The following DSC1 variants were observed in gnomAD, a reference collection of about 807,000 sequenced individuals.
DSC1 encodes the protein desmocollin-1.
A neutral mutation model predicts 98.8 loss-of-function variants in DSC1; 79 were observed. That is an observed-to-expected ratio of 0.80 (90% confidence interval 0.67 to 0.96). The LOEUF (loss-of-function observed/expected upper bound fraction) is 0.96, where lower values mean the gene tolerates loss of function less well. DSC1 is among the 50% of genes least tolerant of loss of function. DSC1 has a pLI of 0.00. For missense variants in DSC1, 1,115 were observed against 1,075.9 expected, an observed-to-expected ratio of 1.04 and a Z score of -0.51; for synonymous variants, 405 against 372.1, an observed-to-expected ratio of 1.09 and a Z score of -1.02.
intron 9 of DSC1, among the ~76,000 whole-genome samples, chr18:31,140,817 T>G (rs1288150733): frequency 1.3e-5 from 2 of 152,222 alleles, no homozygotes; most frequent in Non-Finnish European, 2.9e-5. Context: ...GTCCTTGATA[T>G]GGTTGGCTAT....
intron 5 of DSC1, among the ~76,000 whole-genome samples, chr18:31,150,157 C>CA (rs967047887): frequency 2.7e-5 from 4 of 146,794 alleles, no homozygotes; most frequent in Non-Finnish European, 6.0e-5. Context: ...TCGCAATCAC[C>CA]ACCACCACCA....
At chr18:31,141,442 G>A (rs1988733137) in intron 9 of DSC1, among the ~76,000 whole-genome samples, 1 of 152,034 alleles carries the variant, frequency 6.6e-6, no homozygotes, top group Non-Finnish European at 1.5e-5. Context: ...AAAAGAATTA[G>A]GTCCAGTTAA....
intron 13 of DSC1, 57 bp downstream of exon 13, chr18:31,133,834 A>C (rs2144915240): frequency 6.6e-7 from 1 of 1,507,552 alleles, no homozygotes; most frequent in South Asian, 1.3e-5. Context: ...ATGTTTTAAA[A>C]ATACTAGATA....
intron 1 of DSC1, 138 bp from the exon 2 acceptor site, chr18:31,159,667 C>G: frequency 1.2e-6 from 1 of 828,840 alleles, no homozygotes; most frequent in South Asian, 1.9e-5. Flanking sequence ...TTTTAATACT[C>G]ACTTTAAAAG....
chr18:31,140,637 C>G (rs1230894595), intron 9 of DSC1, among the ~76,000 whole-genome samples: 1 of 152,130 alleles, frequency 6.6e-6, no homozygotes, highest in East Asian at 1.9e-4. Flanking sequence ...TATGGGATAA[C>G]AGTGACAACT....
intron 8 of DSC1, 89 bp from the exon 9 acceptor site, chr18:31,142,273 A>G (rs1988754633): frequency 1.4e-6 from 2 of 1,406,742 alleles, no homozygotes; most frequent in Admixed American, 5.0e-5. Context: ...AAAAAAATAA[A>G]TAAAGTGATG....
At chr18:31,131,892 C>T in intron 14 of DSC1, 50 bp from the exon 15 acceptor site, 2 of 1,599,414 alleles carry the variant, frequency 1.3e-6, no homozygotes, top group South Asian at 1.1e-5. Context: ...TGGAAACTAA[C>T]AATTCATTTT....
In DSC1 at chr18:31,159,444, C is replaced by T. The variant is rs1393334760; in HGVS notation, c.148+1G>A. The T allele has an allele frequency of 1.2e-6, 2 of 1,612,032 alleles. No individual in the cohort carries two copies. Among genetic ancestry groups the T allele is most frequent in the Admixed American group, 3.3e-5 (2 of 59,734 alleles). Reference sequence around the variant, plus strand: ...ATGAAACTGTTAATAGTGTTTCTCACCTTTGCCTACAAGTGTTTCAGCCTG... The same window carrying T: ...ATGAAACTGTTAATAGTGTTTCTCATCTTTGCCTACAAGTGTTTCAGCCTG... On this transcript the variant is annotated splice_donor_variant, in intron 2 of 15. Transcript: ENST00000257198. LOFTEE classifies it high-confidence loss of function.
intron 2 of DSC1, 29 bp downstream of exon 2, chr18:31,159,416 G>T: frequency 6.2e-7 from 1 of 1,600,092 alleles, no homozygotes; most frequent in Non-Finnish European, 8.6e-7. Flanking sequence ...ACAAGTTACA[G>T]CTATGAAACT....
chr18:31,149,429 C>A (rs1988915136), intron 5 of DSC1, among the ~76,000 whole-genome samples: 1 of 152,082 alleles, frequency 6.6e-6, no homozygotes, highest in East Asian at 1.9e-4. Context: ...GCATCAAACT[C>A]CTCCCTCTCT....
At chr18:31,141,803 G>T (rs1033468694) in intron 9 of DSC1, among the ~76,000 whole-genome samples, 196 bp downstream of exon 9, 1 of 152,076 alleles carries the variant, frequency 6.6e-6, no homozygotes, top group African/African-American at 2.4e-5. Context: ...AATGAGTTTT[G>T]TACCTGACAT....
intron 6 of DSC1, 105 bp downstream of exon 6, chr18:31,148,393 A>G: frequency 7.4e-7 from 1 of 1,346,832 alleles, no homozygotes. Flanking sequence ...CAGAAATACC[A>G]GAAAATGCAT....
intron 13 of DSC1, among the ~76,000 whole-genome samples, 165 bp from the exon 14 acceptor site, chr18:31,132,854 T>G (rs1185591831): frequency 1.3e-5 from 2 of 152,188 alleles, no homozygotes; most frequent in Non-Finnish European, 2.9e-5. Flanking sequence ...TTTATACTAT[T>G]TGTAGCTTAG....
chr18:31,141,783 T>C (rs968094287), intron 9 of DSC1, among the ~76,000 whole-genome samples: 2 of 152,164 alleles, frequency 1.3e-5, no homozygotes, highest in African/African-American at 2.4e-5. Context: ...GTTTTCTTCA[T>C]ATAGAGAACA....
chr18:31,145,735 G>A lies in DSC1; in HGVS notation c.815C>T (p.Pro272Leu). 6.2e-7 allele frequency: 1 copy of A among 1,614,130 alleles called. No homozygotes were observed. The highest frequency in any genetic ancestry group is 1.3e-5 in the African/African-American group (1 of 75,030). Residue 272 changes from proline (P) to leucine (L), a missense_variant, in exon 7 of 16, where the codon CCT (proline) becomes CTT (leucine). Coordinates refer to ENST00000257198, the MANE Select transcript of DSC1 (RefSeq NM_024421.2). ...GKVTATDLDE[P>L]DTLHTRLKYK... The stretch of plus-strand genomic sequence containing the variant: ...TTTCAGACGAGTATGGAGAGTGTCA[G>A]GTTCGTCAAGGTCTGTGGCGGTCAC...
Position 31,130,388 on chromosome 18 carries a change from T to C in DSC1, c.*126A>G, listed in dbSNP as rs1290400548. Reference sequence around the variant, plus strand: ...ATGTAGGGGAATCTCATATTTATAGTACCCTTACCTATACATGACAAAGTT... The same window carrying C: ...ATGTAGGGGAATCTCATATTTATAGCACCCTTACCTATACATGACAAAGTT... On this transcript the variant is annotated 3_prime_UTR_variant, in exon 16 of 16. Transcript: ENST00000257198. 3 of 934,762 alleles carry C rather than the reference T, an allele frequency of 3.2e-6. No homozygotes were observed. In the East Asian group the frequency reaches 7.4e-5, roughly 23 times the overall value. 57.9% of individuals were successfully genotyped at this position (934,762 alleles called of 1,614,324 possible). A position where few individuals can be genotyped will look rare whatever the true frequency, so the allele number is the denominator to read the frequency against.
chr18:31,150,811 G>C (rs1294314867), intron 5 of DSC1: 1 of 152,192 alleles, frequency 6.6e-6, no homozygotes, highest in African/African-American at 2.4e-5. Context: ...TACAGTTGCT[G>C]TCAGGCTTGA....
intron 2 of DSC1, 53 bp from the exon 3 acceptor site, chr18:31,157,626 A>C: frequency 6.3e-7 from 1 of 1,597,874 alleles, no homozygotes; most frequent in Non-Finnish European, 8.6e-7. Context: ...GAGTGGAACA[A>C]GTTTTACAGG....
At chr18:31,159,558 G>C in intron 1 of DSC1, 29 bp from the exon 2 acceptor site, 1 of 1,530,234 alleles carries the variant, frequency 6.5e-7, no homozygotes, top group Non-Finnish European at 8.8e-7. Flanking sequence ...AAAAATATCA[G>C]GAATTAAATT....
Sources: gnomAD v4.1 joint callset for allele counts (sites outside exome capture counted in the v4.1 genomes callset) on GRCh38, gnomAD v4.1.1 for gene constraint, MANE v1.5 for transcripts, NCBI Gene and HGNC (gene_info 2026-07-23, HGNC 2026-07-21) for gene names.